The following LDB2 variants were observed in gnomAD, a reference collection of about 807,000 sequenced individuals.
LDB2 encodes LIM domain binding 2.
A neutral mutation model predicts 44.3 loss-of-function variants in LDB2; 12 were observed. The ratio of observed to expected loss-of-function variants is 0.27; its 90% CI spans 0.17 to 0.44. The LOEUF (loss-of-function observed/expected upper bound fraction) is 0.44. Ranked by LOEUF, LDB2 falls within the 20% of genes least tolerant of loss-of-function variation. LDB2 has a pLI of 1.00. For missense variants in LDB2, 344 were observed against 473.5 expected, an observed-to-expected ratio of 0.73 and a Z score of 2.54; for synonymous variants, 164 against 174.8, an observed-to-expected ratio of 0.94 and a Z score of 0.49.
At chr4:16,526,927 T>A (rs901439421) in intron 5 of LDB2, among the ~76,000 whole-genome samples, 2 of 152,138 alleles carry the variant, frequency 1.3e-5, no homozygotes, top group Non-Finnish European at 2.9e-5. Flanking sequence ...AATATAAGCA[T>A]CCAAACGGCA....
intron 1 of LDB2, among the ~76,000 whole-genome samples, chr4:16,784,011 A>G (rs997977320): frequency 7.2e-5 from 11 of 152,232 alleles, no homozygotes; most frequent in Non-Finnish European, 1.0e-4. Flanking sequence ...ATCAGATTAT[A>G]CAGAATTAGT....
chr4:16,667,771 T>C (rs549215257), intron 2 of LDB2, among the ~76,000 whole-genome samples: 23 of 152,308 alleles, frequency 1.5e-4, no homozygotes, highest in African/African-American at 5.3e-4. Context: ...TCTGCCTGAA[T>C]AGGGTTGAGG....
intron 1 of LDB2, among the ~76,000 whole-genome samples, chr4:16,878,036 T>C (rs1403058604): frequency 3.9e-5 from 6 of 152,062 alleles, no homozygotes; most frequent in Non-Finnish European, 8.8e-5. Context: ...CAATCTATGA[T>C]TTAAAAAAAT....
chr4:16,717,513 C>T (rs62298950), intron 2 of LDB2, among the ~76,000 whole-genome samples: 14 of 152,048 alleles, frequency 9.2e-5, no homozygotes, highest in African/African-American at 3.1e-4. Context: ...GAAGTTTTCC[C>T]AGAGGAGAAA....
intron 2 of LDB2, among the ~76,000 whole-genome samples, chr4:16,644,581 C>T (rs930549770): frequency 5.3e-5 from 8 of 152,058 alleles, no homozygotes; most frequent in African/African-American, 2.4e-5. Context: ...GCATGTGCCA[C>T]CATGCCCAGC....
chr4:16,825,557 G>A (rs1782892314), intron 1 of LDB2, among the ~76,000 whole-genome samples: 1 of 152,212 alleles, frequency 6.6e-6, no homozygotes, highest in Admixed American at 6.5e-5. Flanking sequence ...ATTCATATAG[G>A]GAGATGGAGG....
At chr4:16,751,052 C>T (rs557868459) in intron 2 of LDB2, 15 of 152,260 alleles carry the variant, frequency 9.9e-5, no homozygotes, top group African/African-American at 3.6e-4. Context: ...ATGCACGTGC[C>T]AGGACTCCAT....
chr4:16,773,279 G>A (rs115454745), intron 1 of LDB2, among the ~76,000 whole-genome samples: 1 of 152,128 alleles, frequency 6.6e-6, no homozygotes, highest in Non-Finnish European at 1.5e-5. Flanking sequence ...CACTCTGGGG[G>A]ACGGTTTCAG....
rs1310756163 is a variant in LDB2, at chr4:16,659,689, A to ATATATATATATATATATATATATATATG, written c.236-63815_236-63814insCATATATATATATATATATATATATATA. 3.8e-3 allele frequency among the ~76,000 whole-genome samples: 526 copies of ATATATATATATATATATATATATATATG among 139,578 alleles called. 6 individuals carry two copies. The highest frequency in any genetic ancestry group is 0.017 in the East Asian group (71 of 4,210). The allele number at this position is 139,578 out of a possible 152,430, so 91.6% of individuals were successfully genotyped here. A position where few individuals can be genotyped will look rare whatever the true frequency, so the allele number is the denominator to read the frequency against. On this transcript the variant is annotated intron_variant, in intron 2 of 7. Transcript: ENST00000304523. Reference sequence around the variant, plus strand: ...TATGTGTGTATATATATATATATATATATGTATGTATGTATATATGTAACA... The same window carrying ATATATATATATATATATATATATATATG: ...TATGTGTGTATATATATATATATATATATATATATATATATATATATATATATGTATGTATGTATGTATATATGTAACA...
intron 2 of LDB2, among the ~76,000 whole-genome samples, chr4:16,679,395 T>C (rs1258686647): frequency 1.3e-5 from 2 of 152,118 alleles, no homozygotes; most frequent in African/African-American, 4.8e-5. Context: ...ATGACAATGA[T>C]AGTGATGAGT....
At chr4:16,846,039 G>A (rs1315914460) in intron 1 of LDB2, among the ~76,000 whole-genome samples, 3 of 151,710 alleles carry the variant, frequency 2.0e-5, no homozygotes, top group African/African-American at 4.9e-5. Flanking sequence ...GGGTGAACCC[G>A]GGAGGCAGAG....
At chr4:16,678,492 A>AG (rs1283257147) in intron 2 of LDB2, among the ~76,000 whole-genome samples, 1 of 152,090 alleles carries the variant, frequency 6.6e-6, no homozygotes, top group Non-Finnish European at 1.5e-5. Context: ...TCAGGGGTGA[A>AG]GGGGGGACCT....
At chr4:16,554,748 T>C (rs901982497) in intron 5 of LDB2, among the ~76,000 whole-genome samples, 3 of 152,182 alleles carry the variant, frequency 2.0e-5, no homozygotes, top group Non-Finnish European at 4.4e-5. Flanking sequence ...AGATCAGTGG[T>C]GGCCAGAGGT....
chr4:16,897,915 T>C (rs13141813), intron 1 of LDB2, among the ~76,000 whole-genome samples: 12 of 15,898 alleles, frequency 7.5e-4, no homozygotes, highest in African/African-American at 4.7e-3. Context: ...TATATATATA[T>C]ATATATATAT....
chr4:16,788,626 C>G (rs1488973152), intron 1 of LDB2, among the ~76,000 whole-genome samples: 1 of 152,202 alleles, frequency 6.6e-6, no homozygotes, highest in Non-Finnish European at 1.5e-5. Context: ...GATTCTAATA[C>G]TCAGCACAGT....
intron 2 of LDB2, among the ~76,000 whole-genome samples, chr4:16,674,658 A>G (rs1410293581): frequency 6.6e-6 from 1 of 152,144 alleles, no homozygotes; most frequent in Non-Finnish European, 1.5e-5. Flanking sequence ...TCTGCTCCCC[A>G]ATTTACGCAT....
intron 2 of LDB2, among the ~76,000 whole-genome samples, chr4:16,721,738 A>G (rs488509): frequency 0.53 from 81,135 of 151,948 alleles, 22,043 homozygotes; most frequent in East Asian, 0.81. Flanking sequence ...TCCTTGTCTC[A>G]TCTTGACACT....
intron 2 of LDB2, among the ~76,000 whole-genome samples, chr4:16,728,358 G>C (rs571611928): frequency 3.9e-5 from 6 of 152,210 alleles, no homozygotes; most frequent in African/African-American, 1.4e-4. Context: ...ATATATCAGA[G>C]TAAAGTGAAA....
At chr4:16,830,948 T>C (rs775989379) in intron 1 of LDB2, among the ~76,000 whole-genome samples, 17 of 152,114 alleles carry the variant, frequency 1.1e-4, no homozygotes, top group Non-Finnish European at 2.4e-4. Flanking sequence ...CTAGAAGACA[T>C]TGTTTTCTTC....
Sources: gnomAD v4.1 joint callset for allele counts (sites outside exome capture counted in the v4.1 genomes callset) on GRCh38, gnomAD v4.1.1 for gene constraint, MANE v1.5 for transcripts, NCBI Gene and HGNC (gene_info 2026-07-23, HGNC 2026-07-21) for gene names.